Variants in STAU1 observed in about 807,000 individuals in gnomAD.
STAU1 encodes double-stranded RNA-binding protein Staufen homolog 1.
Under a neutral mutation model 62.9 loss-of-function variants are expected in STAU1, and 13 were observed. That is an observed-to-expected ratio of 0.21 (90% CI 0.13 to 0.33). The LOEUF is 0.33. STAU1 is among the 10% of genes least tolerant of loss of function. The pLI, the probability that STAU1 is intolerant of heterozygous loss-of-function variation, is 1.00. For synonymous variants in STAU1, 269 were observed against 265.1 expected (o/e 1.01, Z -0.14); for missense variants, 571 against 712.1 (o/e 0.80, Z 2.25).
chr20:49,205,154 C>T, the STAU1 span, among the ~76,000 whole-genome samples: 2 of 151,990 alleles, frequency 1.3e-5, no homozygotes, highest in African/African-American at 4.8e-5. Flanking sequence ...AAGCAAATCC[C>T]GTGCTATATA....
At chr20:49,185,738 T>A (rs1442852867) in intron 1 of STAU1, among the ~76,000 whole-genome samples, 1 of 152,188 alleles carries the variant, frequency 6.6e-6, no homozygotes, top group East Asian at 1.9e-4. Context: ...ACTATTCGAG[T>A]TTCGCATGTT....
rs769689821 is a variant in STAU1, at chr20:49,120,045, C to T, written c.1050G>A (p.Glu350=). 93 of 1,614,100 alleles carry T rather than the reference C, an allele frequency of 5.8e-5. No individual in the cohort carries two copies. The highest frequency in any genetic ancestry group is 3.3e-4 in the Middle Eastern group (2 of 6,084). ...AKRNAAENML[E]ILGFKVPQAQ... ...CCTGCGGGACTTTGAAACCAAGGAT[C>T]TCCAGCATGTTCTCGGCTGCATTGC... Residue 350 remains glutamate (E), a synonymous_variant, in exon 9 of 14, where the codon GAG becomes GAA. Transcript: ENST00000371856.
At chr20:49,205,031 A>G in the STAU1 span, among the ~76,000 whole-genome samples, 1 of 152,122 alleles carries the variant, frequency 6.6e-6, no homozygotes, top group Non-Finnish European at 1.5e-5. Flanking sequence ...GCTCAAGGGT[A>G]ATTGAGGAGA....
chr20:49,155,300 T>C (rs1320738783), intron 3 of STAU1, among the ~76,000 whole-genome samples: 2 of 152,240 alleles, frequency 1.3e-5, no homozygotes, highest in Admixed American at 1.3e-4. Context: ...CCTGTGGTCA[T>C]ACTTGCTACG....
At chr20:49,155,022 G>A (rs2093335230) in intron 3 of STAU1, among the ~76,000 whole-genome samples, 1 of 152,120 alleles carries the variant, frequency 6.6e-6, no homozygotes, top group South Asian at 2.1e-4. Flanking sequence ...GGAAGCAGAG[G>A]TTGCAGTGAG....
chr20:49,205,385 A>AGATGGAG, the STAU1 span, among the ~76,000 whole-genome samples: 1 of 66,202 alleles, frequency 1.5e-5, no homozygotes, highest in South Asian at 4.9e-4. Context: ...TTTTTTTTTG[A>AGATGGAG]GATGGAGTCT....
At chr20:49,115,459 C>T (rs975330350) in intron 13 of STAU1, among the ~76,000 whole-genome samples, 2 of 152,210 alleles carry the variant, frequency 1.3e-5, no homozygotes, top group Admixed American at 1.3e-4. Flanking sequence ...TGCCACCACA[C>T]CTGGCTAATT....
chr20:49,116,698 G>T (rs1306074252), intron 12 of STAU1, among the ~76,000 whole-genome samples: 1 of 152,120 alleles, frequency 6.6e-6, no homozygotes, highest in Non-Finnish European at 1.5e-5. Flanking sequence ...AGTTTACTTA[G>T]ATTTGTTGAT....
At chr20:49,165,158 T>C (rs147205531) in intron 3 of STAU1, among the ~76,000 whole-genome samples, 12 of 151,810 alleles carry the variant, frequency 7.9e-5, no homozygotes, top group African/African-American at 2.7e-4. Flanking sequence ...GATTCTTCTA[T>C]ATCAGCCTCC....
chr20:49,126,588 C>CAAAAAAAAAACAAAACAAACAA (rs1568835758), intron 6 of STAU1, among the ~76,000 whole-genome samples: 733 of 56,286 alleles, frequency 0.013, 23 homozygotes, highest in African/African-American at 0.043. Context: ...AAAAAAAAAA[C>CAAAAAAAAAACAAAACAAACAA]AAAAAAAAAA....
intron 8 of STAU1, among the ~76,000 whole-genome samples, chr20:49,120,930 G>T (rs931305366): frequency 1.3e-5 from 2 of 152,068 alleles, no homozygotes; most frequent in African/African-American, 4.8e-5. Context: ...GAGTAGCTGG[G>T]ATTACAGGCG....
At chr20:49,158,975 CTCCTTTATTA>C (rs988593557) in intron 3 of STAU1, 2 of 1,301,360 alleles carry the variant, frequency 1.5e-6, no homozygotes, top group African/African-American at 3.0e-5. Flanking sequence ...CATCAGGGGT[CTCCTTTATTA>C]TATGTTCTGC....
chr20:49,211,868 G>C, the STAU1 span, among the ~76,000 whole-genome samples: 3 of 152,174 alleles, frequency 2.0e-5, no homozygotes, highest in Admixed American at 2.0e-4. Flanking sequence ...GCTGTCATAT[G>C]CTAATTCTAT....
At chr20:49,214,834 A>T in the STAU1 span, among the ~76,000 whole-genome samples, 2 of 152,192 alleles carry the variant, frequency 1.3e-5, no homozygotes, top group Non-Finnish European at 2.9e-5. Flanking sequence ...CTCCTAATGC[A>T]TCAGTTGGGG....
chr20:49,127,841 C>T lies in STAU1; in HGVS notation c.610-3254G>A, dbSNP rs531678343. On this transcript the variant is annotated intron_variant, in intron 6 of 13. Coordinates refer to ENST00000371856, the MANE Select transcript of STAU1 (RefSeq NM_017453.4). ...CAGCCTGGGCAACATGGCAAAACCC[C>T]GTCTCTACAAAAAAAATACAAAAAT... Among the ~76,000 whole-genome samples, 68 of 151,838 alleles carry T rather than the reference C, an allele frequency of 4.5e-4. 1 individual carries two copies. In the South Asian group the frequency reaches 0.013, roughly 29 times the overall value.
the STAU1 span, among the ~76,000 whole-genome samples, chr20:49,217,025 T>C: frequency 1.3e-5 from 2 of 152,192 alleles, no homozygotes; most frequent in Non-Finnish European, 2.9e-5. Context: ...CTGATGTCTC[T>C]GAGCCCAGAG....
rs139786410 is a variant in STAU1 at position 49,169,847 on chromosome 20, T to C, written c.-84-3562A>G. The stretch of plus-strand genomic sequence containing the variant: ...CTTAGGCTCAAGCCCTAATTTTACA[T>C]AGCATACATAAGCACCATAATACAA... On this transcript the variant is annotated intron_variant, in intron 2 of 13. Coordinates refer to ENST00000371856, the MANE Select transcript of STAU1 (RefSeq NM_017453.4). 2.0e-3 allele frequency among the ~76,000 whole-genome samples: 310 copies of C among 152,324 alleles called. 1 individual carries two copies. Among genetic ancestry groups the C allele is most frequent in the African/African-American group, 7.0e-3 (293 of 41,590 alleles).
Position 49,117,357 on chromosome 20 carries a change from C to G in STAU1, c.1510-109G>C. ...CAAGATCACCAGCTCTTTTTTCCAA[C>G]TCAGCCCCACTGTGGCCATACTAAC... On this transcript the variant is annotated intron_variant, in intron 11 of 13. Coordinates refer to ENST00000371856, the MANE Select transcript of STAU1 (RefSeq NM_017453.4). The surrounding 1 kb of genome is among the most constrained non-coding windows in gnomAD (Gnocchi z 4.6). The G allele has an allele frequency of 7.2e-7, 1 of 1,383,762 alleles. No individual in the cohort carries two copies. The highest frequency in any genetic ancestry group is 1.0e-6 in the Non-Finnish European group (1 of 1,001,566). 85.7% of individuals were successfully genotyped at this position (1,383,762 alleles called of 1,614,324 possible). A position where few individuals can be genotyped will look rare whatever the true frequency, so the allele number is the denominator to read the frequency against.
At chr20:49,149,291 CCAG>C (rs1390670241) in intron 5 of STAU1, among the ~76,000 whole-genome samples, 1 of 147,304 alleles carries the variant, frequency 6.8e-6, no homozygotes. Context: ...CACACACACA[CCAG>C]CAAGAACAAC....
Sources: gnomAD v4.1 joint callset for allele counts (sites outside exome capture counted in the v4.1 genomes callset) on GRCh38, gnomAD v4.1.1 for gene constraint, Gnocchi (gnomAD v3.1) non-coding constraint, MANE v1.5 for transcripts, NCBI Gene and HGNC (gene_info 2026-07-23, HGNC 2026-07-21) for gene names.